Variants in LRFN5 observed in about 807,000 individuals in gnomAD.
The protein encoded by LRFN5 is leucine rich repeat and fibronectin type III domain containing 5, also known as leucine-rich repeat and fibronectin type-III domain-containing protein 5.
Under a neutral mutation model 45.6 loss-of-function variants are expected in LRFN5, and 24 were observed. The observed-to-expected ratio is 0.53, with a 90% CI of 0.38 to 0.74. LRFN5 has a LOEUF of 0.74. Ranked by LOEUF, LRFN5 falls within the 30% of genes least tolerant of loss-of-function variation. The probability of loss-of-function intolerance (pLI) is 0.00; values close to 1 mark genes in which losing one functional copy is unlikely to be tolerated. For synonymous variants in LRFN5, 340 were observed against 313.8 expected (o/e 1.08, Z -0.88); for missense variants, 776 against 861.5 (o/e 0.90, Z 1.24).
intron 1 of LRFN5, among the ~76,000 whole-genome samples, chr14:41,741,168 C>A (rs1884674405): frequency 6.6e-6 from 1 of 151,638 alleles, no homozygotes; most frequent in African/African-American, 2.4e-5. Context: ...AGATTCAATG[C>A]AATCTCTATC....
At chr14:41,854,327 A>G (rs1192734761) in intron 2 of LRFN5, among the ~76,000 whole-genome samples, 2 of 148,404 alleles carry the variant, frequency 1.3e-5, no homozygotes, top group South Asian at 2.2e-4. Flanking sequence ...ATAGTATTCC[A>G]TGGTGTATAT....
intron 2 of LRFN5, among the ~76,000 whole-genome samples, chr14:41,780,574 T>C (rs1045962759): frequency 6.7e-6 from 1 of 149,708 alleles, no homozygotes; most frequent in African/African-American, 2.5e-5. Flanking sequence ...GTTCTTAATT[T>C]AAAGTGGGTT....
intron 2 of LRFN5, among the ~76,000 whole-genome samples, chr14:41,825,504 G>A (rs1888263068): frequency 6.6e-6 from 1 of 152,092 alleles, no homozygotes; most frequent in South Asian, 2.1e-4. Context: ...GCATTCTCTT[G>A]GAATGCTGCA....
intron 1 of LRFN5, among the ~76,000 whole-genome samples, chr14:41,711,592 C>T (rs888226386): frequency 3.9e-5 from 6 of 152,158 alleles, no homozygotes; most frequent in Non-Finnish European, 4.4e-5. Flanking sequence ...TCCAAATAAT[C>T]TTAAGCTGTA....
chr14:41,765,341 C>CAA (rs1293519567), intron 1 of LRFN5, among the ~76,000 whole-genome samples: 1 of 73,954 alleles, frequency 1.4e-5, no homozygotes, highest in African/African-American at 5.3e-5. Context: ...GACTCCGTCT[C>CAA]AAAAAAAAAG....
intron 2 of LRFN5, among the ~76,000 whole-genome samples, chr14:41,788,571 C>T (rs190600442): frequency 6.6e-6 from 1 of 152,044 alleles, no homozygotes; most frequent in Non-Finnish European, 1.5e-5. Context: ...AAAAGATGTT[C>T]CATCTCCTCT....
intron 2 of LRFN5, among the ~76,000 whole-genome samples, chr14:41,775,093 C>CTTTTTTCT (rs1555316715): frequency 1.2e-4 from 13 of 112,484 alleles, no homozygotes; most frequent in African/African-American, 3.9e-4. Context: ...TTTTCTTTTT[C>CTTTTTTCT]TTTTTTTTTT....
chr14:41,891,474 T>C lies in LRFN5; in HGVS notation c.1610T>C (p.Ile537Thr), dbSNP rs747628713. The change falls in exon 4 of 6, where the codon ATT becomes ACT. Residue 537 changes from isoleucine (I) to threonine (T), a missense_variant. Physicochemically the swap from Ile to Thr is moderately conservative, Grantham distance 89 (BLOSUM62 -1). Transcript: ENST00000298119. ...GTMIIIIGGI[I>T]VASVLVFIII... ...ATGATTATTATTATTGGTGGAATCA[T>C]TGTAGCATCTGTGCTGGTATTCATC... 1.2e-6 allele frequency: 2 copies of C among 1,614,214 alleles called. No individual in the cohort carries two copies. The highest frequency in any genetic ancestry group is 1.7e-6 in the Non-Finnish European group (2 of 1,180,028).
At chr14:41,680,577 C>T (rs1280406324) in intron 1 of LRFN5, among the ~76,000 whole-genome samples, 1 of 152,170 alleles carries the variant, frequency 6.6e-6, no homozygotes, top group African/African-American at 2.4e-5. Context: ...CCCCCTAATG[C>T]AAATATAGCT....
At chr14:41,838,815 G>A (rs12889973) in intron 2 of LRFN5, among the ~76,000 whole-genome samples, 20,428 of 152,000 alleles carry the variant, frequency 0.13, 1,464 homozygotes, top group East Asian at 0.22. Context: ...AATAGATAGC[G>A]CTAAAATTAT....
At chr14:41,781,568 GAAAGAAAGAAAGAAA>G (rs1566436895) in intron 2 of LRFN5, among the ~76,000 whole-genome samples, 18 of 52,900 alleles carry the variant, frequency 3.4e-4, no homozygotes, top group African/African-American at 1.6e-3. Flanking sequence ...GAGAAAGAAA[GAAAGAAAGAAAGAAA>G]GAAAGAAAGA....
At chr14:41,885,885 G>A (rs1381853774) in intron 2 of LRFN5, among the ~76,000 whole-genome samples, 2 of 151,676 alleles carry the variant, frequency 1.3e-5, no homozygotes. Flanking sequence ...GCGTGGTGTT[G>A]GGCGCCTGTA....
At chr14:41,753,119 G>A (rs1275405323) in intron 1 of LRFN5, among the ~76,000 whole-genome samples, 2 of 151,938 alleles carry the variant, frequency 1.3e-5, no homozygotes, top group African/African-American at 2.4e-5. Flanking sequence ...TGTTCCATTG[G>A]TCTATATTTC....
chr14:41,893,549 A>T (rs183144435), intron 4 of LRFN5: 1 of 985,246 alleles, frequency 1.0e-6, no homozygotes, highest in Non-Finnish European at 1.2e-6. Context: ...AAGTTTATTA[A>T]CTTTTTCAGA....
intron 1 of LRFN5, among the ~76,000 whole-genome samples, chr14:41,612,967 A>T (rs1887806349): frequency 6.6e-6 from 1 of 152,086 alleles, no homozygotes; most frequent in Non-Finnish European, 1.5e-5. Flanking sequence ...TTTTTAATAA[A>T]CATAATTTAA....
At chr14:41,775,451 A>C (rs886547618) in intron 2 of LRFN5, among the ~76,000 whole-genome samples, 36 of 152,128 alleles carry the variant, frequency 2.4e-4, no homozygotes, top group African/African-American at 8.0e-4. Flanking sequence ...AGGCAATCAT[A>C]AATCCATAAT....
chr14:41,703,799 A>G (rs1352576961), intron 1 of LRFN5, among the ~76,000 whole-genome samples: 1 of 152,168 alleles, frequency 6.6e-6, no homozygotes, highest in Non-Finnish European at 1.5e-5. Context: ...GTATTTTATC[A>G]GCATTATTGT....
chr14:41,666,238 A>G (rs1439869856), intron 1 of LRFN5, among the ~76,000 whole-genome samples: 1 of 151,960 alleles, frequency 6.6e-6, no homozygotes, highest in Non-Finnish European at 1.5e-5. Context: ...TTCTCATTTT[A>G]TTGCAGCCCT....
intron 1 of LRFN5, among the ~76,000 whole-genome samples, chr14:41,636,550 C>T (rs1209841053): frequency 1.3e-5 from 2 of 151,640 alleles, no homozygotes; most frequent in Non-Finnish European, 2.9e-5. Flanking sequence ...ACCAACATGG[C>T]ACATGTATAC....
Sources: gnomAD v4.1 joint callset for allele counts (sites outside exome capture counted in the v4.1 genomes callset) on GRCh38, gnomAD v4.1.1 for gene constraint, MANE v1.5 for transcripts, NCBI Gene and HGNC (gene_info 2026-07-23, HGNC 2026-07-21) for gene names.